Variants in ZNF804B observed in about 807,000 individuals in gnomAD.
ZNF804B encodes zinc finger protein 804B, also known as zinc finger 804B.
A neutral mutation model predicts 101.4 loss-of-function variants in ZNF804B; 80 were observed. The ratio of observed to expected loss-of-function variants is 0.79; its 90% CI spans 0.66 to 0.95. The LOEUF is 0.95. Ranked by LOEUF, ZNF804B falls within the 40% of genes least tolerant of loss-of-function variation. The pLI, the probability that ZNF804B is intolerant of heterozygous loss-of-function variation, is 0.00. For missense variants in ZNF804B, 1,673 were observed against 1,561.9 expected (o/e 1.07, Z -1.20); for synonymous variants, 622 against 558.8 (o/e 1.11, Z -1.59).
In ZNF804B at chr7:89,003,529, A is replaced by T. The variant is rs1788320214; in HGVS notation, c.109-214626A>T. 2.0e-5 allele frequency among the ~76,000 whole-genome samples: 3 copies of T among 152,014 alleles called. No individual in the cohort carries two copies. The South Asian group carries it at 6.2e-4, about 31-fold the overall frequency. ...CTAGAAACTGAAGAGCTATGTAACC[A>T]GAATATAGAATTACTTTCAATCATA... On this transcript the variant is annotated intron_variant, in intron 1 of 3. Transcript: ENST00000333190.
intron 1 of ZNF804B, among the ~76,000 whole-genome samples, chr7:89,068,951 C>T (rs1789495882): frequency 6.6e-6 from 1 of 152,142 alleles, no homozygotes; most frequent in Non-Finnish European, 1.5e-5. Flanking sequence ...GGGGCCAGTG[C>T]CTCTGAAATA....
chr7:89,178,222 A>G lies in ZNF804B; in HGVS notation c.109-39933A>G, dbSNP rs146659259. 4.6e-5 allele frequency among the ~76,000 whole-genome samples: 7 copies of G among 151,616 alleles called. No homozygotes were observed. In the East Asian group the frequency reaches 1.4e-3, roughly 29 times the overall value. On this transcript the variant is annotated intron_variant, in intron 1 of 3. Coordinates refer to ENST00000333190, the MANE Select transcript of ZNF804B (RefSeq NM_181646.5). ...TGTTGGGATTGCATTTCATCCATTT[A>G]CATACTCTATGTCTTTTGATTGGGT...
chr7:89,331,771 A>C (rs183578995), intron 3 of ZNF804B, among the ~76,000 whole-genome samples: 1 of 151,748 alleles, frequency 6.6e-6, no homozygotes, highest in Admixed American at 6.6e-5. Flanking sequence ...CTATAGAAAA[A>C]GACTGAAGAC....
intron 1 of ZNF804B, among the ~76,000 whole-genome samples, chr7:89,173,172 G>T (rs1197672263): frequency 1.3e-5 from 2 of 152,036 alleles, no homozygotes; most frequent in Admixed American, 1.3e-4. Flanking sequence ...TGTGAAACAT[G>T]TGTCTGGCTC....
chr7:88,782,286 G>A (rs1218187193), intron 1 of ZNF804B, among the ~76,000 whole-genome samples: 6 of 152,034 alleles, frequency 3.9e-5, no homozygotes, highest in African/African-American at 1.4e-4. Context: ...GAGATCAGAG[G>A]AGGGACAGGG....
chr7:88,877,713 G>A (rs952191090), intron 1 of ZNF804B, among the ~76,000 whole-genome samples: 6 of 152,068 alleles, frequency 3.9e-5, no homozygotes, highest in Admixed American at 2.6e-4. Context: ...AATTTATAGC[G>A]GGGAAAAATT....
chr7:88,883,230 G>T (rs1482140814), intron 1 of ZNF804B, among the ~76,000 whole-genome samples: 2 of 152,044 alleles, frequency 1.3e-5, no homozygotes, highest in African/African-American at 4.8e-5. Flanking sequence ...CACTGCCAGA[G>T]ATTTTGATCT....
At chr7:88,918,645 G>A (rs1792672920) in intron 1 of ZNF804B, among the ~76,000 whole-genome samples, 1 of 152,078 alleles carries the variant, frequency 6.6e-6, no homozygotes, top group Non-Finnish European at 1.5e-5. Context: ...ATTTTTGACT[G>A]TTATATAGCA....
chr7:89,319,168 A>G (rs1205974161), intron 2 of ZNF804B, among the ~76,000 whole-genome samples: 1 of 152,158 alleles, frequency 6.6e-6, no homozygotes, highest in Non-Finnish European at 1.5e-5. Context: ...CATTATGGAC[A>G]GGCTATAGTG....
intron 1 of ZNF804B, among the ~76,000 whole-genome samples, chr7:88,948,035 A>C (rs1793162543): frequency 6.6e-6 from 1 of 151,982 alleles, no homozygotes; most frequent in Admixed American, 6.6e-5. Context: ...AGTGATAGAC[A>C]AAATATCTAA....
Position 89,333,844 on chromosome 7 carries a change from C to G in ZNF804B, c.862C>G (p.Leu288Val). The G allele has an allele frequency of 1.9e-6, 3 of 1,612,038 alleles. No homozygotes were observed. Among genetic ancestry groups the G allele is most frequent in the South Asian group, 2.2e-5 (2 of 90,952 alleles). ...EKEVNISPSHLESVLHNTISI... is the reference protein window; with the variant it reads ...EKEVNISPSHVESVLHNTISI... ...AGAGGTAAATATCTCACCAAGCCAT[C>G]TGGAAAGTGTTTTACACAATACCAT... The change falls in exon 4 of 4, where the codon CTG becomes GTG. Residue 288 changes from leucine (L) to valine (V), a missense_variant. Physicochemically the swap from Leu to Val is conservative, Grantham distance 32. Coordinates refer to ENST00000333190, the MANE Select transcript of ZNF804B (RefSeq NM_181646.5).
Position 89,309,759 on chromosome 7 carries a change from C to CAAAAAAAA in ZNF804B, c.250-17554_250-17547dup. On this transcript the variant is annotated intron_variant, in intron 2 of 3. Transcript: ENST00000333190. ...TGGGCTACAGAGTGAGACCCTGTCT[C>CAAAAAAAA]AAAAAAAAAAAAAAAAAAAAAAAAA... Among the ~76,000 whole-genome samples the CAAAAAAAA allele has an allele frequency of 1.3e-3, 92 of 70,770 alleles. 11 individuals are homozygous for CAAAAAAAA. The highest frequency in any genetic ancestry group is 2.3e-3 in the African/African-American group (36 of 15,662). The allele number at this position is 70,770 out of a possible 152,430, so 46.4% of individuals were successfully genotyped here. A position where few individuals can be genotyped will look rare whatever the true frequency, so the allele number is the denominator to read the frequency against.
intron 1 of ZNF804B, among the ~76,000 whole-genome samples, chr7:88,973,941 G>A (rs1279908241): frequency 1.3e-5 from 2 of 151,242 alleles, no homozygotes; most frequent in East Asian, 2.0e-4. Context: ...ATAGTGAGAT[G>A]TTCATTACTT....
At chr7:89,189,438 C>T (rs1466012932) in intron 1 of ZNF804B, among the ~76,000 whole-genome samples, 1 of 152,042 alleles carries the variant, frequency 6.6e-6, no homozygotes, top group Non-Finnish European at 1.5e-5. Flanking sequence ...TCGGAAGCCT[C>T]GATCCAAGTA....
At chr7:88,806,405 T>C (rs902673483) in intron 1 of ZNF804B, among the ~76,000 whole-genome samples, 15 of 152,260 alleles carry the variant, frequency 9.9e-5, no homozygotes, top group African/African-American at 3.6e-4. Context: ...CTTTTTTGGT[T>C]TGGTTTTCTG....
chr7:89,071,959 TG>T (rs977556115), intron 1 of ZNF804B, among the ~76,000 whole-genome samples: 44 of 152,294 alleles, frequency 2.9e-4, no homozygotes, highest in African/African-American at 9.6e-4. Flanking sequence ...TATCTCAAGC[TG>T]GGTCAAAGAC....
chr7:88,767,119 T>A (rs867333387), intron 1 of ZNF804B, among the ~76,000 whole-genome samples: 1 of 152,304 alleles, frequency 6.6e-6, no homozygotes, highest in Middle Eastern at 3.4e-3. Context: ...GGTTCACACA[T>A]AAATGTTGGC....
intron 1 of ZNF804B, among the ~76,000 whole-genome samples, chr7:89,061,038 G>C (rs141136858): frequency 6.6e-6 from 1 of 152,144 alleles, no homozygotes; most frequent in East Asian, 1.9e-4. Context: ...ACCAACCGTA[G>C]TAATATGTAT....
At chr7:89,235,703 G>T (rs1789268982) in intron 2 of ZNF804B, among the ~76,000 whole-genome samples, 1 of 151,694 alleles carries the variant, frequency 6.6e-6, no homozygotes, top group Non-Finnish European at 1.5e-5. Context: ...GTTTGAGGCT[G>T]AAATATATTT....
Sources: allele counts gnomAD v4.1 joint callset (sites outside exome capture counted in the v4.1 genomes callset), GRCh38; gene constraint gnomAD v4.1.1; transcripts MANE v1.5; gene names NCBI Gene and HGNC (gene_info 2026-07-23, HGNC 2026-07-21).